Variants in DLG2 observed in about 807,000 individuals in gnomAD.
DLG2 encodes the protein discs large MAGUK scaffold protein 2, also known as disks large homolog 2.
In DLG2, 45 loss-of-function variants were observed where a neutral mutation model predicts 132.5. That is an observed-to-expected ratio of 0.34 (90% confidence interval 0.27 to 0.44). DLG2 has a LOEUF of 0.44. Ranked by LOEUF, DLG2 falls within the 20% of genes least tolerant of loss-of-function variation. The pLI is 1.00. For synonymous variants in DLG2, 424 were observed against 419.6 expected (o/e 1.01, Z -0.13); for missense variants, 1,045 against 1,196.9 (o/e 0.87, Z 1.87).
chr11:84,372,941 T>C, intron 7 of DLG2, among the ~76,000 whole-genome samples: 1 of 152,042 alleles, frequency 6.6e-6, no homozygotes, highest in East Asian at 1.9e-4. Context: ...CCTTACCAAA[T>C]ACCTAAAAAT....
chr11:83,511,000 C>T (rs2094985309), intron 21 of DLG2, among the ~76,000 whole-genome samples: 1 of 147,910 alleles, frequency 6.8e-6, no homozygotes, highest in Admixed American at 6.7e-5. Context: ...AAATAAAACA[C>T]CGCAAACTGC....
At chr11:83,815,578 A>G (rs2048648600) in intron 17 of DLG2, among the ~76,000 whole-genome samples, 1 of 152,180 alleles carries the variant, frequency 6.6e-6, no homozygotes, top group Non-Finnish European at 1.5e-5. Context: ...GCTGGACCAC[A>G]GAACTCCTGC....
intron 3 of DLG2, among the ~76,000 whole-genome samples, chr11:85,499,394 GGAA>G (rs2093742911): frequency 6.6e-6 from 1 of 152,086 alleles, no homozygotes; most frequent in Non-Finnish European, 1.5e-5. Context: ...GACTAAACCA[GGAA>G]GAAGTTTAAT....
chr11:83,823,045 T>C (rs2051302869), intron 17 of DLG2, among the ~76,000 whole-genome samples: 2 of 152,132 alleles, frequency 1.3e-5, no homozygotes, highest in African/African-American at 2.4e-5. Context: ...GAGGATCAAA[T>C]GAGATAATCA....
intron 11 of DLG2, among the ~76,000 whole-genome samples, chr11:84,007,292 G>A (rs1313351401): frequency 6.6e-6 from 1 of 151,730 alleles, no homozygotes. Context: ...TGCCAAAGAA[G>A]GTGTCTGAAA....
At chr11:84,345,254 G>T (rs1039463021) in intron 7 of DLG2, among the ~76,000 whole-genome samples, 5 of 152,180 alleles carry the variant, frequency 3.3e-5, no homozygotes, top group Non-Finnish European at 1.5e-5. Flanking sequence ...GCAGCAATTT[G>T]TATGTGAAAC....
intron 3 of DLG2, among the ~76,000 whole-genome samples, chr11:85,436,579 G>C (rs2091491103): frequency 6.6e-6 from 1 of 152,150 alleles, no homozygotes; most frequent in Non-Finnish European, 1.5e-5. Context: ...TTGATCATTA[G>C]AGAAATGCAA....
intron 8 of DLG2, among the ~76,000 whole-genome samples, chr11:84,191,218 T>C (rs1172695167): frequency 6.6e-6 from 1 of 152,210 alleles, no homozygotes; most frequent in Non-Finnish European, 1.5e-5. Context: ...ATCTCCACTT[T>C]TTTTTAATGT....
intron 8 of DLG2, among the ~76,000 whole-genome samples, chr11:84,174,931 A>G (rs905015701): frequency 8.5e-5 from 13 of 152,224 alleles, no homozygotes; most frequent in Admixed American, 7.9e-4. Flanking sequence ...TTGAGAGCTT[A>G]GCATTTTAAT....
At chr11:84,111,382 T>C (rs926914591) in intron 9 of DLG2, among the ~76,000 whole-genome samples, 3 of 152,284 alleles carry the variant, frequency 2.0e-5, no homozygotes, top group African/African-American at 4.8e-5. Flanking sequence ...ACTTCATTCA[T>C]AACGTGAGAG....
At chr11:83,769,972 C>T (rs755770516) in intron 18 of DLG2, among the ~76,000 whole-genome samples, 36 of 152,164 alleles carry the variant, frequency 2.4e-4, no homozygotes, top group Non-Finnish European at 4.1e-4. Context: ...GTGCTCCAAT[C>T]TGTGGTGCCC....
intron 7 of DLG2, chr11:84,317,079 T>C: frequency 6.2e-7 from 1 of 1,612,840 alleles, no homozygotes; most frequent in Non-Finnish European, 8.5e-7. Context: ...GTGGGCGCAC[T>C]CCTGACGGCA....
intron 3 of DLG2, among the ~76,000 whole-genome samples, chr11:85,483,463 C>A (rs1469819725): frequency 6.6e-6 from 1 of 152,112 alleles, no homozygotes; most frequent in Non-Finnish European, 1.5e-5. Flanking sequence ...CCCTATCTTA[C>A]AAGAGATGCT....
intron 3 of DLG2, among the ~76,000 whole-genome samples, chr11:85,325,220 T>C (rs1411312165): frequency 2.0e-5 from 3 of 151,814 alleles, no homozygotes; most frequent in Non-Finnish European, 2.9e-5. Context: ...TGCCCAGGCT[T>C]GCTTAGGTAA....
chr11:85,473,312 C>T (rs573381583), intron 3 of DLG2, among the ~76,000 whole-genome samples: 64 of 152,260 alleles, frequency 4.2e-4, no homozygotes, highest in African/African-American at 1.5e-3. Context: ...GCAAAACAGC[C>T]CCCCAAAAAT....
In DLG2 at chr11:84,253,394, A is replaced by G. The variant is rs149599760; in HGVS notation, c.520-2103T>C. Among the ~76,000 whole-genome samples, 204 of 152,320 alleles carry G rather than the reference A, an allele frequency of 1.3e-3. 1 individual carries two copies. The highest frequency in any genetic ancestry group is 3.7e-3 in the African/African-American group (155 of 41,570). On this transcript the variant is annotated intron_variant, in intron 7 of 27. Transcript: ENST00000376104. ...AGTAACAACTTTCCAAAAAGGTTGA[A>G]GATCAAATGAGGTGATATAGTTGAG...
At chr11:85,181,631 G>T (rs1219830403) in intron 4 of DLG2, among the ~76,000 whole-genome samples, 2 of 151,680 alleles carry the variant, frequency 1.3e-5, no homozygotes, top group African/African-American at 2.4e-5. Context: ...ACCCTTGCCT[G>T]CATGCCTAGT....
chr11:84,457,054 G>A (rs2099067313), intron 7 of DLG2, among the ~76,000 whole-genome samples: 1 of 151,128 alleles, frequency 6.6e-6, no homozygotes, highest in Non-Finnish European at 1.5e-5. Flanking sequence ...AAAACAACAG[G>A]TTAAGCAATT....
chr11:85,443,553 T>C (rs1030438337), intron 3 of DLG2, among the ~76,000 whole-genome samples: 3 of 152,218 alleles, frequency 2.0e-5, no homozygotes, highest in African/African-American at 7.2e-5. Flanking sequence ...AATCCAGACT[T>C]GTGTGACTCT....
Sources: gnomAD v4.1 joint callset for allele counts (sites outside exome capture counted in the v4.1 genomes callset) on GRCh38, gnomAD v4.1.1 for gene constraint, MANE v1.5 for transcripts, NCBI Gene and HGNC (gene_info 2026-07-23, HGNC 2026-07-21) for gene names.